PTPRM: variants seen among roughly 807,000 people sequenced by gnomAD.
PTPRM encodes receptor-type tyrosine-protein phosphatase mu.
A neutral mutation model predicts 186.7 loss-of-function variants in PTPRM; 47 were observed. The ratio of observed to expected loss-of-function variants is 0.25; its 90% CI spans 0.20 to 0.32. The LOEUF (loss-of-function observed/expected upper bound fraction) is 0.32, where lower values mean the gene tolerates loss of function less well. Among genes scored for constraint, PTPRM ranks in the 10% least tolerant of loss-of-function variants. The pLI, the probability that PTPRM is intolerant of heterozygous loss-of-function variation, is 1.00. For synonymous variants in PTPRM, 668 were observed against 674.9 expected, an observed-to-expected ratio of 0.99 and a Z score of 0.16; for missense variants, 1,494 against 1,865.0, an observed-to-expected ratio of 0.80 and a Z score of 3.66.
chr18:8,170,060 T>C (rs981304189), intron 14 of PTPRM, among the ~76,000 whole-genome samples: 11 of 152,144 alleles, frequency 7.2e-5, no homozygotes, highest in Non-Finnish European at 1.6e-4. Flanking sequence ...TTCTGTTGGG[T>C]GAGGGGAAAA....
intron 1 of PTPRM, among the ~76,000 whole-genome samples, chr18:7,714,976 A>G (rs991242998): frequency 1.3e-5 from 2 of 152,242 alleles, no homozygotes; most frequent in African/African-American, 2.4e-5. Flanking sequence ...CAAACAATAG[A>G]AAAAGAGGGA....
At chr18:7,671,040 T>C (rs1043102938) in intron 1 of PTPRM, among the ~76,000 whole-genome samples, 1 of 152,222 alleles carries the variant, frequency 6.6e-6, no homozygotes, top group Non-Finnish European at 1.5e-5. Flanking sequence ...AAACAAGAAA[T>C]TGTTGTTTAA....
chr18:7,627,773 A>G (rs758140402), intron 1 of PTPRM, among the ~76,000 whole-genome samples: 24 of 152,158 alleles, frequency 1.6e-4, no homozygotes, highest in Non-Finnish European at 3.2e-4. Flanking sequence ...GCTGAACTTT[A>G]ACTCGGTGAT....
At chr18:7,900,788 A>G (rs963116233) in intron 3 of PTPRM, among the ~76,000 whole-genome samples, 1 of 152,210 alleles carries the variant, frequency 6.6e-6, no homozygotes, top group African/African-American at 2.4e-5. Flanking sequence ...TTGATGGGGG[A>G]AAATTAGATA....
At chr18:7,615,768 A>G (rs564431142) in intron 1 of PTPRM, among the ~76,000 whole-genome samples, 2 of 152,204 alleles carry the variant, frequency 1.3e-5, no homozygotes, top group East Asian at 3.9e-4. Flanking sequence ...TATTCCTATT[A>G]TTACATTGTA....
At chr18:8,363,785 G>C (rs2095611415) in intron 23 of PTPRM, among the ~76,000 whole-genome samples, 1 of 151,960 alleles carries the variant, frequency 6.6e-6, no homozygotes, top group East Asian at 1.9e-4. Flanking sequence ...TGAGGTAAGA[G>C]AGAAAAGTAA....
chr18:8,313,572 C>CT (rs529856335), intron 20 of PTPRM, among the ~76,000 whole-genome samples: 1,443 of 143,526 alleles, frequency 0.01, 21 homozygotes, highest in African/African-American at 0.032. Flanking sequence ...CACATCCTTT[C>CT]TTTTTTTTTT....
intron 1 of PTPRM, among the ~76,000 whole-genome samples, chr18:7,581,295 C>T (rs1331206062): frequency 6.6e-6 from 1 of 152,134 alleles, no homozygotes; most frequent in African/African-American, 2.4e-5. Flanking sequence ...CCTCTGGCTC[C>T]AAGCCTAGTG....
Position 8,376,466 on chromosome 18 carries a change from G to A in PTPRM, c.3331G>A (p.Gly1111Ser). ...CAGACCCCCCTTTTCATTCAGTGCT[G>A]GTGCAGGGAGGACTGGCTGTTTCAT... Reference protein sequence around the residue: ...AGPLVVHCSAGAGRTGCFIVI... With the variant: ...AGPLVVHCSASAGRTGCFIVI... The change falls in exon 26 of 33, where the codon GGT (glycine) becomes AGT (serine). Residue 1111 changes from glycine to serine, a missense_variant. Around this residue, in one of 3 missense-constraint regions of PTPRM, gnomAD observed 1,107 missense variants for 1,350.2 expected, o/e 0.82. Coordinates refer to ENST00000580170, the MANE Select transcript of PTPRM (RefSeq NM_001105244.2). 1 of 1,614,166 alleles carries A rather than the reference G, an allele frequency of 6.2e-7. No individual in the cohort carries two copies. The highest frequency in any genetic ancestry group is 1.3e-5 in the African/African-American group (1 of 75,024).
chr18:8,265,952 G>A (rs367659309), intron 19 of PTPRM, among the ~76,000 whole-genome samples: 2 of 152,120 alleles, frequency 1.3e-5, no homozygotes, highest in South Asian at 2.1e-4. Context: ...GGCTGTTGGA[G>A]ATCTGTGTGG....
chr18:8,025,589 CTG>C (rs1437228057), intron 7 of PTPRM, among the ~76,000 whole-genome samples: 3 of 152,078 alleles, frequency 2.0e-5, no homozygotes, highest in African/African-American at 7.2e-5. Flanking sequence ...TTTTTTATAT[CTG>C]TATTTTATAT....
chr18:7,700,671 A>G (rs1367502557), intron 1 of PTPRM, among the ~76,000 whole-genome samples: 1 of 152,172 alleles, frequency 6.6e-6, no homozygotes, highest in African/African-American at 2.4e-5. Flanking sequence ...CTGGAAGATG[A>G]AACTTTCTGG....
intron 11 of PTPRM, among the ~76,000 whole-genome samples, chr18:8,094,635 T>A (rs937067385): frequency 6.6e-6 from 1 of 152,048 alleles, no homozygotes; most frequent in Admixed American, 6.6e-5. Context: ...GGTTTCCAGA[T>A]CTAAATAATG....
At chr18:8,232,609 C>G (rs142625189) in intron 14 of PTPRM, among the ~76,000 whole-genome samples, 1 of 152,038 alleles carries the variant, frequency 6.6e-6, no homozygotes, top group African/African-American at 2.4e-5. Context: ...CTGCAATGTC[C>G]GCCTCCCAGG....
chr18:7,672,638 C>T (rs1443358441), intron 1 of PTPRM, among the ~76,000 whole-genome samples: 1 of 152,116 alleles, frequency 6.6e-6, no homozygotes, highest in Non-Finnish European at 1.5e-5. Flanking sequence ...TAATTTGAGG[C>T]AGGGTATAGT....
At chr18:7,926,084 A>G (rs778109221) in intron 4 of PTPRM, among the ~76,000 whole-genome samples, 1 of 152,248 alleles carries the variant, frequency 6.6e-6, no homozygotes, top group Non-Finnish European at 1.5e-5. Flanking sequence ...GTAATGCTGC[A>G]TACCAGTTAG....
chr18:8,249,127 T>A (rs1470028933), intron 17 of PTPRM, among the ~76,000 whole-genome samples: 1 of 152,076 alleles, frequency 6.6e-6, no homozygotes, highest in Non-Finnish European at 1.5e-5. Context: ...GTAGCAAGAG[T>A]TCCACCCTCA....
chr18:7,983,764 A>T (rs2082685381), intron 7 of PTPRM, among the ~76,000 whole-genome samples: 1 of 152,130 alleles, frequency 6.6e-6, no homozygotes, highest in Non-Finnish European at 1.5e-5. Context: ...AATCTGTGAA[A>T]GGTCATTATC....
intron 2 of PTPRM, among the ~76,000 whole-genome samples, chr18:7,827,913 A>G (rs949659011): frequency 2.0e-5 from 3 of 152,202 alleles, no homozygotes; most frequent in Admixed American, 2.0e-4. Context: ...AGGGCTATTT[A>G]CCAGACACTT....
Sources: gnomAD v4.1 joint callset for allele counts (sites outside exome capture counted in the v4.1 genomes callset) on GRCh38, gnomAD v4.1.1 for gene constraint, gnomAD v4.1.1 regional missense constraint, MANE v1.5 for transcripts, NCBI Gene and HGNC (gene_info 2026-07-23, HGNC 2026-07-21) for gene names.